IKBKB: variants seen among roughly 807,000 people sequenced by gnomAD.
The protein encoded by IKBKB is inhibitor of nuclear factor kappa B kinase subunit beta, also known as inhibitor of nuclear factor kappa-B kinase subunit beta.
IKBKB carries 42 observed loss-of-function variants against 113.6 expected under a neutral mutation model. The ratio of observed to expected loss-of-function variants is 0.37; its 90% CI spans 0.29 to 0.48. The LOEUF (loss-of-function observed/expected upper bound fraction) is 0.48, where lower values mean the gene tolerates loss of function less well. IKBKB is among the 20% of genes least tolerant of loss of function. The pLI is 0.99. For synonymous variants in IKBKB, 296 were observed against 361.3 expected (o/e 0.82, Z 2.05); for missense variants, 673 against 939.7 (o/e 0.72, Z 3.71).
chr8:42,310,442 A>G (rs960374643), intron 8 of IKBKB, among the ~76,000 whole-genome samples: 1 of 152,136 alleles, frequency 6.6e-6, no homozygotes, highest in African/African-American at 2.4e-5. Flanking sequence ...AAATTGGCAT[A>G]TATTTGTTTA....
intron 2 of IKBKB, among the ~76,000 whole-genome samples, chr8:42,288,136 C>G (rs992732366): frequency 3.9e-5 from 6 of 151,944 alleles, no homozygotes; most frequent in African/African-American, 1.5e-4. Context: ...TCTGTAATCC[C>G]AGCACATTGA....
At chr8:42,303,948 A>G (rs539871945) in intron 5 of IKBKB, among the ~76,000 whole-genome samples, 2 of 152,310 alleles carry the variant, frequency 1.3e-5, no homozygotes, top group South Asian at 4.1e-4. Flanking sequence ...ATCTTTTGCC[A>G]TAAACTTTGA....
intron 2 of IKBKB, 166 bp downstream of exon 2, chr8:42,272,371 C>A (rs1053617363): frequency 6.2e-6 from 5 of 807,822 alleles, no homozygotes; most frequent in Non-Finnish European, 1.0e-5. Context: ...TGAGCTGACT[C>A]CAGGTTAGTG....
intron 4 of IKBKB, among the ~76,000 whole-genome samples, chr8:42,292,779 G>A (rs995259435): frequency 6.6e-6 from 1 of 152,308 alleles, no homozygotes; most frequent in South Asian, 2.1e-4. Flanking sequence ...TTGAGTTTCA[G>A]ATTGACCTGG....
At chr8:42,306,266 A>T in intron 6 of IKBKB, 77 bp from the exon 7 acceptor site, 2 of 914,842 alleles carry the variant, frequency 2.2e-6, no homozygotes, top group South Asian at 2.7e-5. Flanking sequence ...CTCTGCTCTA[A>T]CACCAGGCAG....
intron 3 of IKBKB, among the ~76,000 whole-genome samples, chr8:42,289,936 G>A (rs557628917): frequency 2.0e-5 from 3 of 152,266 alleles, no homozygotes; most frequent in South Asian, 2.1e-4. Flanking sequence ...GAAGTTACAC[G>A]CAGTTGTGCC....
In IKBKB at chr8:42,331,336, C is replaced by T. The variant is rs200048057; in HGVS notation, c.*357C>T. ...CAGCCATGGCAGCTCCTTCCTCTGC[C>T]GTGAGAAAAGTGCTTGGAGTACGGT... On this transcript the variant is annotated 3_prime_UTR_variant, in exon 22 of 22. Transcript: ENST00000520810. The T allele has an allele frequency of 4.1e-5, 29 of 702,834 alleles. No homozygotes were observed. Among genetic ancestry groups the T allele is most frequent in the South Asian group, 1.6e-4 (11 of 67,588 alleles). 43.5% of individuals were successfully genotyped at this position (702,834 alleles called of 1,614,324 possible).
intron 2 of IKBKB, among the ~76,000 whole-genome samples, chr8:42,285,761 C>G (rs1421185046): frequency 6.6e-6 from 1 of 152,172 alleles, no homozygotes; most frequent in Non-Finnish European, 1.5e-5. Flanking sequence ...AAGCCTGTGG[C>G]TGCACCATGG....
intron 5 of IKBKB, among the ~76,000 whole-genome samples, chr8:42,304,042 AT>A (rs942460454): frequency 6.6e-6 from 1 of 152,136 alleles, no homozygotes; most frequent in African/African-American, 2.4e-5. Flanking sequence ...CATGTATCCC[AT>A]GGTGTTTTGG....
rs6988732 is a variant in IKBKB at position 42,308,575 on chromosome 8, C to G, written c.568-326C>G. 0.76 allele frequency among the ~76,000 whole-genome samples: 115,217 copies of G among 152,050 alleles called. 47,928 individuals carry two copies. Among genetic ancestry groups the G allele is most frequent in the Non-Finnish European group, 0.93 (63,096 of 68,000 alleles). Reference sequence around the variant, plus strand: ...GGCCTCCCAAAGTGCTGGGATTACACGTGTGAGCCACTGCGTCCAGCCTGC... The same window carrying G: ...GGCCTCCCAAAGTGCTGGGATTACAGGTGTGAGCCACTGCGTCCAGCCTGC... On this transcript the variant is annotated intron_variant, in intron 7 of 21. Coordinates refer to ENST00000520810, the MANE Select transcript of IKBKB (RefSeq NM_001556.3).
At chr8:42,299,650 A>G (rs1265946507) in intron 5 of IKBKB, among the ~76,000 whole-genome samples, 3 of 151,084 alleles carry the variant, frequency 2.0e-5, no homozygotes. Context: ...CAACCTCTGC[A>G]CGTGACCCAC....
intron 16 of IKBKB, 102 bp from the exon 17 acceptor site, chr8:42,321,794 A>G: frequency 2.5e-6 from 2 of 789,218 alleles, no homozygotes; most frequent in African/African-American, 3.5e-5. Context: ...GAAGTTCGAG[A>G]CCAGCCTGGG....
intron 7 of IKBKB, among the ~76,000 whole-genome samples, chr8:42,308,490 G>T (rs1339701095): frequency 6.6e-6 from 1 of 151,908 alleles, no homozygotes; most frequent in Non-Finnish European, 1.5e-5. Context: ...TAGAGACGGG[G>T]TTTCACCATG....
rs934726658 is a variant in IKBKB, at chr8:42,331,527, C to T, written c.*548C>T. Reference sequence around the variant, plus strand: ...CTGGATTCAGCTTCTCCTAAACAGACAGTTTAATTATAGTTGCGGCCTGGC... The same window carrying T: ...CTGGATTCAGCTTCTCCTAAACAGATAGTTTAATTATAGTTGCGGCCTGGC... On this transcript the variant is annotated 3_prime_UTR_variant, in exon 22 of 22. Coordinates refer to ENST00000520810, the MANE Select transcript of IKBKB (RefSeq NM_001556.3). 2.7e-5 allele frequency: 17 copies of T among 638,170 alleles called. No individual in the cohort carries two copies. The African/African-American group carries it at 2.9e-4, about 11-fold the overall frequency. 39.5% of individuals were successfully genotyped at this position (638,170 alleles called of 1,614,324 possible). A position where few individuals can be genotyped will look rare whatever the true frequency, so the allele number is the denominator to read the frequency against.
rs1286940689 is a variant in IKBKB, at chr8:42,318,671, G to T, written c.1360G>T (p.Ala454Ser). 5 of 1,602,954 alleles carry T rather than the reference G, an allele frequency of 3.1e-6. No individual in the cohort carries two copies. Among genetic ancestry groups the T allele is most frequent in the Non-Finnish European group, 4.3e-6 (5 of 1,173,998 alleles). ...CNRLQQGQRA[A>S]MMNLLRNNSC... ...CCGGCTGCAGCAGGGACAGCGAGCC[G>T]CCATGTAGCGTGCCAGGCTTTTTTT... The change falls in exon 13 of 22, where the codon GCC becomes TCC. Residue 454 changes from alanine to serine, a missense_variant. Physicochemically the swap from Ala to Ser is moderately conservative, Grantham distance 99. Around this residue, in one of 2 missense-constraint regions of IKBKB, gnomAD observed 506 missense variants for 638.7 expected, o/e 0.79. Coordinates refer to ENST00000520810, the MANE Select transcript of IKBKB (RefSeq NM_001556.3).
intron 13 of IKBKB, 166 bp downstream of exon 13, chr8:42,318,841 G>A (rs1400383619): frequency 1.1e-5 from 7 of 659,614 alleles, no homozygotes; most frequent in East Asian, 5.7e-5. Flanking sequence ...CTGGACTGAC[G>A]GAGGCCCCTT....
At position 42,316,002 on chromosome 8, in the gene IKBKB, A is replaced by G. The variant is rs1245072885; in HGVS notation, c.801-208A>G. Among the ~76,000 whole-genome samples the G allele has an allele frequency of 6.6e-6, 1 of 152,190 alleles. No individual in the cohort carries two copies. Among genetic ancestry groups the G allele is most frequent in the East Asian group, 1.9e-4 (1 of 5,198 alleles). On this transcript the variant is annotated intron_variant, in intron 9 of 21. Transcript: ENST00000520810. This position sits in a 1 kb window ranked among gnomAD's most constrained non-coding sequence, Gnocchi z 4.5. Reference sequence around the variant, plus strand: ...TTATGCAGCCATTTGGAGGTCAGCAATCTCTGATTTGGGGGTATTTTAGAA... The same window carrying G: ...TTATGCAGCCATTTGGAGGTCAGCAGTCTCTGATTTGGGGGTATTTTAGAA...
At chr8:42,272,965 T>C (rs1310629904) in intron 2 of IKBKB, among the ~76,000 whole-genome samples, 1 of 147,718 alleles carries the variant, frequency 6.8e-6, no homozygotes, top group Non-Finnish European at 1.5e-5. Context: ...AAAAAAACCT[T>C]AGGCAGCCTT....
chr8:42,314,557 C>G, intron 9 of IKBKB, 128 bp downstream of exon 9: 1 of 679,338 alleles, frequency 1.5e-6, no homozygotes, highest in South Asian at 1.6e-5. Context: ...GGTGGATCAC[C>G]TGAGGTCAGG....
Sources: allele counts gnomAD v4.1 joint callset (sites outside exome capture counted in the v4.1 genomes callset), GRCh38; gene constraint gnomAD v4.1.1; regional missense constraint gnomAD v4.1.1; non-coding constraint Gnocchi (gnomAD v3.1); transcripts MANE v1.5; gene names NCBI Gene and HGNC (gene_info 2026-07-23, HGNC 2026-07-21).